USP19: variants seen among roughly 807,000 people sequenced by gnomAD.
USP19 encodes ubiquitin carboxyl-terminal hydrolase 19.
Under a neutral mutation model 144.8 loss-of-function variants are expected in USP19, and 40 were observed. The observed-to-expected ratio is 0.28, with a 90% CI of 0.21 to 0.36. The LOEUF is 0.36. Ranked by LOEUF, USP19 falls within the 10% of genes least tolerant of loss-of-function variation. The probability of loss-of-function intolerance (pLI) is 1.00; values close to 1 mark genes in which losing one functional copy is unlikely to be tolerated. For synonymous variants in USP19, 701 were observed against 709.3 expected, an observed-to-expected ratio of 0.99 and a Z score of 0.19; for missense variants, 1,518 against 1,822.5, an observed-to-expected ratio of 0.83 and a Z score of 3.04.
chr3:49,116,676 A>G lies in USP19; in HGVS notation c.1126+51T>C. On this transcript the variant is annotated intron_variant, in intron 7 of 26. Transcript: ENST00000417901. This position sits in a 1 kb window ranked among gnomAD's most constrained non-coding sequence, Gnocchi z 5.0. ...GCCTATTGCTACTCTCTATCCACCT[A>G]CAAACTTTGCAACCCAACCTAGGGC... 6.2e-7 allele frequency: 1 copy of G among 1,608,694 alleles called. No individual in the cohort carries two copies. Among genetic ancestry groups the G allele is most frequent in the Non-Finnish European group, 8.5e-7 (1 of 1,176,584 alleles).
intron 1 of USP19, 119 bp from the exon 2 acceptor site, chr3:49,119,400 T>G: frequency 2.3e-6 from 1 of 433,156 alleles, no homozygotes; most frequent in Non-Finnish European, 4.1e-6. Flanking sequence ...ATCTCTTAAG[T>G]ACCCCTGGAC....
rs761664943 is a variant in USP19, at chr3:49,117,313, C to G, written c.655G>C (p.Glu219Gln). The G allele has an allele frequency of 2.5e-6, 4 of 1,584,848 alleles. 1 individual carries two copies. The South Asian group carries it at 4.5e-5, about 18-fold the overall frequency. ...ATGGGAGACAGTTCCTGCCCATTCT[C>G]CTGGCACCGCAGCCCCGGCACCAGC... ...QELVPGLRCQENGQELSPIAL... is the reference protein window; with the variant it reads ...QELVPGLRCQQNGQELSPIAL... The change falls in exon 6 of 27, where the codon GAG becomes CAG. Residue 219 changes from glutamate (E) to glutamine (Q), a missense_variant. Coordinates refer to ENST00000417901, the MANE Select transcript of USP19 (RefSeq NM_001199161.2). This position sits in a 1 kb window ranked among gnomAD's most constrained non-coding sequence, Gnocchi z 4.4.
chr3:49,114,389 C>T lies in USP19; in HGVS notation c.2293-105G>A. 1 of 1,029,304 alleles carries T rather than the reference C, an allele frequency of 9.7e-7. No homozygotes were observed. The highest frequency in any genetic ancestry group is 1.4e-6 in the Non-Finnish European group (1 of 694,932). 63.8% of individuals were successfully genotyped at this position (1,029,304 alleles called of 1,614,324 possible). A position where few individuals can be genotyped will look rare whatever the true frequency, so the allele number is the denominator to read the frequency against. Reference sequence around the variant, plus strand: ...GGCTTCTGATGGCTCTCAGGGCCCCCACAGCCAACCAGCAAACTCTCAGGC... The same window carrying T: ...GGCTTCTGATGGCTCTCAGGGCCCCTACAGCCAACCAGCAAACTCTCAGGC... On this transcript the variant is annotated intron_variant, in intron 15 of 26. Coordinates refer to ENST00000417901, the MANE Select transcript of USP19 (RefSeq NM_001199161.2). This position sits in a 1 kb window ranked among gnomAD's most constrained non-coding sequence, Gnocchi z 4.5.
Position 49,111,910 on chromosome 3 carries a change from C to T in USP19, c.2903+1G>A. On this transcript the variant is annotated splice_donor_variant, in intron 20 of 26. Coordinates refer to ENST00000417901, the MANE Select transcript of USP19 (RefSeq NM_001199161.2). LOFTEE classifies it high-confidence loss of function. This position sits in a 1 kb window ranked among gnomAD's most constrained non-coding sequence, Gnocchi z 5.9. The stretch of plus-strand genomic sequence containing the variant: ...CTCTAGTCCAACCACTGGGCACTTA[C>T]CGGGCATAGCCCTCTAGCAACTGAG... 1 of 1,613,930 alleles carries T rather than the reference C, an allele frequency of 6.2e-7. No individual in the cohort carries two copies. Among genetic ancestry groups the T allele is most frequent in the Non-Finnish European group, 8.5e-7 (1 of 1,179,932 alleles).
chr3:49,110,885 T>C lies in USP19; in HGVS notation c.3546-22A>G. 6.2e-7 allele frequency: 1 copy of C among 1,613,970 alleles called. No individual in the cohort carries two copies. The highest frequency in any genetic ancestry group is 8.5e-7 in the Non-Finnish European group (1 of 1,179,902). ...GTACCTGGTGGGGACAGAGATTGGGTCAGGACCAGCAAGTCTCTCTCTTCT... is the reference window on the plus strand; with the variant it reads ...GTACCTGGTGGGGACAGAGATTGGGCCAGGACCAGCAAGTCTCTCTCTTCT... On this transcript the variant is annotated intron_variant, in intron 23 of 26. Transcript: ENST00000417901. This position sits in a 1 kb window ranked among gnomAD's most constrained non-coding sequence, Gnocchi z 6.1.
Position 49,110,990 on chromosome 3 carries a change from G to C in USP19, c.3505C>G (p.Leu1169Val), listed in dbSNP as rs777593233. 5 of 1,614,034 alleles carry C rather than the reference G, an allele frequency of 3.1e-6. No homozygotes were observed. The South Asian group carries it at 5.5e-5, about 18-fold the overall frequency. Residue 1169 changes from leucine (L) to valine (V), a missense_variant, in exon 23 of 27, where the codon CTC becomes GTC. This residue lies in a region of USP19 where 413 missense variants were observed against 515.8 expected (regional missense o/e 0.80). Transcript: ENST00000417901. This position sits in a 1 kb window ranked among gnomAD's most constrained non-coding sequence, Gnocchi z 6.1. Reference sequence around the variant, plus strand: ...GCCAGCACCTCAGGCCGTGTGAAGAGGTTGAGGCACTGGTCCAGGGTGAAG... The same window carrying C: ...GCCAGCACCTCAGGCCGTGTGAAGACGTTGAGGCACTGGTCCAGGGTGAAG... ...GHFTLDQCLNLFTRPEVLAPE... is the reference protein window; with the variant it reads ...GHFTLDQCLNVFTRPEVLAPE...
rs1309688638 is a variant in USP19, at chr3:49,116,174, G to C, written c.1356-12C>G. On this transcript the variant is annotated splice_polypyrimidine_tract_variant and intron_variant, in intron 9 of 26. Coordinates refer to ENST00000417901, the MANE Select transcript of USP19 (RefSeq NM_001199161.2). The surrounding 1 kb of genome is among the most constrained non-coding windows in gnomAD (Gnocchi z 5.0). ...GCTCAATCAGATTCCTGTGGGAAAA[G>C]GCTGAACTCAGGGACTTAGGAGGAA... The C allele has an allele frequency of 3.1e-6, 5 of 1,613,806 alleles. 1 individual carries two copies. In the South Asian group the frequency reaches 5.5e-5, roughly 18 times the overall value.
Position 49,112,141 on chromosome 3 carries a change from G to C in USP19, c.2766-93C>G. On this transcript the variant is annotated intron_variant, in intron 19 of 26. Coordinates refer to ENST00000417901, the MANE Select transcript of USP19 (RefSeq NM_001199161.2). The surrounding 1 kb of genome is among the most constrained non-coding windows in gnomAD (Gnocchi z 4.9). ...GTCATAGTCCCTGGGAACTGGGTACGCCAGCCCTGCCTCCCCCAGAGCCTG... is the reference window on the plus strand; with the variant it reads ...GTCATAGTCCCTGGGAACTGGGTACCCCAGCCCTGCCTCCCCCAGAGCCTG... 1.3e-6 allele frequency: 2 copies of C among 1,554,606 alleles called. No individual in the cohort carries two copies.
intron 26 of USP19, chr3:49,109,900 A>C (rs1176881612): frequency 1.8e-5 from 5 of 281,394 alleles, no homozygotes; most frequent in Non-Finnish European, 1.3e-5. Flanking sequence ...GTTCATTCAC[A>C]GCATAGTGCC....
chr3:49,108,444 G>A lies in USP19; in HGVS notation c.4123C>T (p.Pro1375Ser), dbSNP rs770161437. Reference protein sequence around the residue: ...RFAPPVDRPAPTYSNMEEVD With the variant: ...RFAPPVDRPASTYSNMEEVD The stretch of plus-strand genomic sequence containing the variant: ...ACCTCCTCCATGTTGCTGTAGGTGG[G>A]GGCTGGCCGATCCACAGGGGGGGCG... Residue 1375 changes from proline (P) to serine (S), a missense_variant, in exon 27 of 27, where the codon CCC (proline) becomes TCC (serine). Pro to Ser is a moderately conservative substitution (Grantham distance 74). Transcript: ENST00000417901. The surrounding 1 kb of genome is among the most constrained non-coding windows in gnomAD (Gnocchi z 4.8). 1 of 1,374,490 alleles carries A rather than the reference G, an allele frequency of 7.3e-7. No individual in the cohort carries two copies. The highest frequency in any genetic ancestry group is 9.5e-7 in the Non-Finnish European group (1 of 1,052,388). The allele number at this position is 1,374,490 out of a possible 1,614,324, so 85.1% of individuals were successfully genotyped here.
rs1369918826 is a variant in USP19 at position 49,112,107 on chromosome 3, TG to T, written c.2766-60del. ...AGCCCCATCTCCTATGACTCCATAC[TG>T]GGGGCTAGTCATAGTCCCTGGGAAC... On this transcript the variant is annotated intron_variant, in intron 19 of 26. Coordinates refer to ENST00000417901, the MANE Select transcript of USP19 (RefSeq NM_001199161.2). The surrounding 1 kb of genome is among the most constrained non-coding windows in gnomAD (Gnocchi z 4.9). 1.3e-6 allele frequency: 2 copies of T among 1,594,866 alleles called. No homozygotes were observed. The highest frequency in any genetic ancestry group is 1.7e-4 in the Middle Eastern group (1 of 5,906).
rs368479180 is a variant in USP19, at chr3:49,111,122, C to A, written c.3373G>T (p.Val1125Phe). ...TGCAAGCGCTCATTGTTCCGCCAGA[C>A]GAGAGCCAGGCTACAGTCGTCACCC... ...ELGDDCSLAL[V>F]WRNNERLQEF... The change falls in exon 23 of 27, where the codon GTC becomes TTC. Residue 1125 changes from valine (V) to phenylalanine (F), a missense_variant. Val to Phe is a conservative substitution (Grantham distance 50). Transcript: ENST00000417901. The surrounding 1 kb of genome is among the most constrained non-coding windows in gnomAD (Gnocchi z 5.9). The A allele has an allele frequency of 6.2e-7, 1 of 1,613,650 alleles. No homozygotes were observed. Among genetic ancestry groups the A allele is most frequent in the South Asian group, 1.1e-5 (1 of 91,082 alleles).
chr3:49,109,036 G>C lies in USP19; in HGVS notation c.4039-508C>G, dbSNP rs142037382. 878 of 1,613,532 alleles carry C rather than the reference G, an allele frequency of 5.4e-4. 6 individuals carry two copies. In the African/African-American group the frequency reaches 0.01, roughly 19 times the overall value. On this transcript the variant is annotated intron_variant, in intron 26 of 26. Coordinates refer to ENST00000417901, the MANE Select transcript of USP19 (RefSeq NM_001199161.2). ...CCACCAAAGCCGCCACGGTGCCCAG[G>C]ACAAAGTACCGGAGGCAGCCCTCAT...
Position 49,110,913 on chromosome 3 carries a change from A to G in USP19, c.3545+37T>C. 3 of 1,613,740 alleles carry G rather than the reference A, an allele frequency of 1.9e-6. No individual in the cohort carries two copies. The highest frequency in any genetic ancestry group is 8.5e-7 in the Non-Finnish European group (1 of 1,179,760). ...GGACCAGCAAGTCTCTCTCTTCTCC[A>G]TCCTGCCCCCTTATCTACTTGCTGC... On this transcript the variant is annotated intron_variant, in intron 23 of 26. Transcript: ENST00000417901. This position sits in a 1 kb window ranked among gnomAD's most constrained non-coding sequence, Gnocchi z 6.1.
chr3:49,114,268 T>C lies in USP19; in HGVS notation c.2309A>G (p.Asp770Gly). Residue 770 changes from aspartate to glycine, a missense_variant, in exon 16 of 27, where the codon GAC (aspartate) becomes GGC (glycine). This residue lies in a region of USP19 where 158 missense variants were observed against 277.3 expected (regional missense o/e 0.57). Coordinates refer to ENST00000417901, the MANE Select transcript of USP19 (RefSeq NM_001199161.2). This position sits in a 1 kb window ranked among gnomAD's most constrained non-coding sequence, Gnocchi z 4.5. ...PVCAKVSITFDPFLYLPVPLP... is the reference protein window; with the variant it reads ...PVCAKVSITFGPFLYLPVPLP... ...GGGCACCGGCAGATAAAGAAACGGGTCAAAAGTGATGGAGACCTGTGGATG... is the reference window on the plus strand; with the variant it reads ...GGGCACCGGCAGATAAAGAAACGGGCCAAAAGTGATGGAGACCTGTGGATG... 1 of 1,614,036 alleles carries C rather than the reference T, an allele frequency of 6.2e-7. No homozygotes were observed. The highest frequency in any genetic ancestry group is 8.5e-7 in the Non-Finnish European group (1 of 1,180,002).
chr3:49,108,707 T>C lies in USP19; in HGVS notation c.4039-179A>G, dbSNP rs374391151. 14 of 1,334,412 alleles carry C rather than the reference T, an allele frequency of 1.0e-5. No homozygotes were observed. The East Asian group carries it at 1.5e-4, about 14-fold the overall frequency. 82.7% of individuals were successfully genotyped at this position (1,334,412 alleles called of 1,614,324 possible). On this transcript the variant is annotated intron_variant, in intron 26 of 26. Transcript: ENST00000417901. The surrounding 1 kb of genome is among the most constrained non-coding windows in gnomAD (Gnocchi z 4.8). ...AATAGTCTGGTTTTATTAACACTTT[T>C]AAGTACAGGAAGTAGCTTGGGCAGG...
Position 49,117,136 on chromosome 3 carries a change from G to A in USP19, c.832C>T (p.Pro278Ser). 4.5e-6 allele frequency: 7 copies of A among 1,547,054 alleles called. No homozygotes were observed. The highest frequency in any genetic ancestry group is 6.1e-6 in the Non-Finnish European group (7 of 1,145,644). Residue 278 changes from proline to serine, a missense_variant, in exon 6 of 27, where the codon CCA becomes TCA. Pro to Ser is a moderately conservative substitution (Grantham distance 74). Transcript: ENST00000417901. This position sits in a 1 kb window ranked among gnomAD's most constrained non-coding sequence, Gnocchi z 4.4. ...TCATCCCTGGACCCGTCCCCCTCTG[G>A]CCCTCTGCAGAGATGCACAGCCCTC... ...AKRAVHLCRG[P>S]EGDGSRDDPG...
intron 26 of USP19, among the ~76,000 whole-genome samples, chr3:49,109,738 C>A (rs955782980): frequency 1.3e-5 from 2 of 152,206 alleles, no homozygotes; most frequent in Non-Finnish European, 2.9e-5. Context: ...CAGATGCTTA[C>A]CTCAAAGAGT....
rs764249336 is a variant in USP19 at position 49,114,309 on chromosome 3, G to A, written c.2293-25C>T. On this transcript the variant is annotated intron_variant, in intron 15 of 26. Transcript: ENST00000417901. The surrounding 1 kb of genome is among the most constrained non-coding windows in gnomAD (Gnocchi z 4.5). Reference sequence around the variant, plus strand: ...CCTGTGGATGTAGAGGTGGCACTGGGTAGCTGCACACAGAGTGGGAGATAA... The same window carrying A: ...CCTGTGGATGTAGAGGTGGCACTGGATAGCTGCACACAGAGTGGGAGATAA... The A allele has an allele frequency of 7.5e-6, 12 of 1,604,896 alleles. No homozygotes were observed. The highest frequency in any genetic ancestry group is 4.4e-5 in the South Asian group (4 of 90,834).
Sources: gnomAD v4.1 joint callset for allele counts (sites outside exome capture counted in the v4.1 genomes callset) on GRCh38, gnomAD v4.1.1 for gene constraint, gnomAD v4.1.1 regional missense constraint, Gnocchi (gnomAD v3.1) non-coding constraint, MANE v1.5 for transcripts, NCBI Gene and HGNC (gene_info 2026-07-23, HGNC 2026-07-21) for gene names.